CRYBG1: variants seen among roughly 807,000 people sequenced by gnomAD.
CRYBG1 encodes crystallin beta-gamma domain containing 1, also known as beta/gamma crystallin domain-containing protein 1.
CRYBG1 carries 139 observed loss-of-function variants against 189.2 expected under a neutral mutation model. That is an observed-to-expected ratio of 0.73 (90% CI 0.64 to 0.85). The LOEUF is 0.85. CRYBG1 is among the 40% of genes least tolerant of loss of function. The probability of loss-of-function intolerance (pLI) is 0.00; values close to 1 mark genes in which losing one functional copy is unlikely to be tolerated. For synonymous variants in CRYBG1, 1,023 were observed against 1,017.1 expected, an observed-to-expected ratio of 1.01 and a Z score of -0.11; for missense variants, 2,611 against 2,675.8, an observed-to-expected ratio of 0.98 and a Z score of 0.53.
chr6:106,431,836 A>T (rs530728550), intron 1 of CRYBG1, among the ~76,000 whole-genome samples: 24 of 152,030 alleles, frequency 1.6e-4, no homozygotes, highest in African/African-American at 5.1e-4. Context: ...TGGGAATTCT[A>T]TCAAGGCTAA....
intron 7 of CRYBG1, among the ~76,000 whole-genome samples, chr6:106,527,875 G>T (rs34590393): frequency 0.23 from 34,920 of 152,036 alleles, 4,198 homozygotes; most frequent in South Asian, 0.35. Flanking sequence ...AAAATAATTT[G>T]GTTGATTAAC....
At chr6:106,479,418 A>G (rs76861481) in intron 2 of CRYBG1, among the ~76,000 whole-genome samples, 26,278 of 152,238 alleles carry the variant, frequency 0.17, 2,938 homozygotes, top group East Asian at 0.39. Flanking sequence ...TAAGCCTTCA[A>G]TATAAGAATT....
At chr6:106,549,270 C>T (rs924471863) in intron 13 of CRYBG1, among the ~76,000 whole-genome samples, 3 of 152,130 alleles carry the variant, frequency 2.0e-5, no homozygotes, top group Non-Finnish European at 2.9e-5. Flanking sequence ...TGCGGGTACC[C>T]GTGTGCTGTA....
chr6:106,403,090 TG>T (rs1203687643), intron 1 of CRYBG1, among the ~76,000 whole-genome samples: 1 of 152,122 alleles, frequency 6.6e-6, no homozygotes, highest in Admixed American at 6.5e-5. Context: ...AATCACGCCT[TG>T]GGAGGCTAAG....
At chr6:106,410,672 A>C (rs1770912493) in intron 1 of CRYBG1, among the ~76,000 whole-genome samples, 1 of 152,200 alleles carries the variant, frequency 6.6e-6, no homozygotes, top group South Asian at 2.1e-4. Context: ...CCACATATAC[A>C]CCATGAATAC....
intron 1 of CRYBG1, among the ~76,000 whole-genome samples, chr6:106,415,770 G>T (rs12206207): frequency 0.085 from 12,952 of 152,104 alleles, 667 homozygotes; most frequent in East Asian, 0.15. Context: ...ACTTTGACTG[G>T]CTTCTCTTGA....
At chr6:106,530,352 T>G in intron 8 of CRYBG1, 37 bp downstream of exon 8, 2 of 1,588,422 alleles carry the variant, frequency 1.3e-6, no homozygotes, top group Non-Finnish European at 1.7e-6. Flanking sequence ...TTAATGAAGT[T>G]TTTTTGTGAG....
intron 2 of CRYBG1, among the ~76,000 whole-genome samples, chr6:106,475,230 T>C (rs1313356748): frequency 6.6e-6 from 1 of 152,142 alleles, no homozygotes; most frequent in African/African-American, 2.4e-5. Context: ...TAACTGAAAC[T>C]TACTTACTTA....
At chr6:106,537,661 A>T (rs1774036704) in intron 8 of CRYBG1, among the ~76,000 whole-genome samples, 1 of 152,246 alleles carries the variant, frequency 6.6e-6, no homozygotes, top group African/African-American at 2.4e-5. Context: ...TCACAAAGTG[A>T]ATACACAAGC....
chr6:106,446,207 A>G (rs1027957761), intron 1 of CRYBG1, among the ~76,000 whole-genome samples: 2 of 152,236 alleles, frequency 1.3e-5, no homozygotes, highest in African/African-American at 2.4e-5. Context: ...GCTCTCTACC[A>G]TTTAGCAGTT....
In CRYBG1 at chr6:106,560,834, G is replaced by C. The variant is rs760177590; in HGVS notation, c.5887G>C (p.Gly1963Arg). The stretch of plus-strand genomic sequence containing the variant: ...TACTTATGAATATGGCAGTTACAGA[G>C]GGCGACAGTTCCTATTGTCACCTGC... ...WVTYEYGSYR[G>R]RQFLLSPAEV... The change falls in exon 19 of 22, where the codon GGG (glycine) becomes CGG (arginine). Residue 1963 changes from glycine to arginine, a missense_variant. Transcript: ENST00000633556. The C allele has an allele frequency of 1.1e-5, 17 of 1,612,848 alleles. No homozygotes were observed. The highest frequency in any genetic ancestry group is 2.5e-6 in the Non-Finnish European group (3 of 1,179,598).
chr6:106,517,337 T>TAC (rs1159244195), intron 3 of CRYBG1, among the ~76,000 whole-genome samples: 3 of 118,078 alleles, frequency 2.5e-5, no homozygotes, highest in African/African-American at 1.1e-4. Flanking sequence ...TACACATATA[T>TAC]ATATACACAC....
At position 106,520,239 on chromosome 6, in the gene CRYBG1, G is replaced by A. The variant is rs1163477884; in HGVS notation, c.3031G>A (p.Gly1011Ser). 4.3e-6 allele frequency: 7 copies of A among 1,614,068 alleles called. No individual in the cohort carries two copies. Among genetic ancestry groups the A allele is most frequent in the Non-Finnish European group, 5.1e-6 (6 of 1,180,018 alleles). ...SCAPPQEEVL[G>S]NEHSHCTAEL... ...TGCTCCCCCACAAGAGGAAGTACTGGGCAATGAACACTCTCATTGCACAGC... is the reference window on the plus strand; with the variant it reads ...TGCTCCCCCACAAGAGGAAGTACTGAGCAATGAACACTCTCATTGCACAGC... Residue 1011 changes from glycine (G) to serine (S), a missense_variant, in exon 4 of 22, where the codon GGC (glycine) becomes AGC (serine). Gly to Ser is a moderately conservative substitution (Grantham distance 56). Around this residue, in one of 3 missense-constraint regions of CRYBG1, gnomAD observed 1,622 missense variants for 1,735.0 expected, o/e 0.93. Transcript: ENST00000633556.
At chr6:106,505,061 G>T (rs1408467623) in intron 2 of CRYBG1, among the ~76,000 whole-genome samples, 1 of 150,640 alleles carries the variant, frequency 6.6e-6, no homozygotes, top group African/African-American at 2.4e-5. Context: ...GTGATCCTCC[G>T]GCACAGGACA....
At chr6:106,460,945 C>T (rs1297132431) in intron 2 of CRYBG1, among the ~76,000 whole-genome samples, 10 of 152,136 alleles carry the variant, frequency 6.6e-5, no homozygotes, top group Non-Finnish European at 1.5e-5. Context: ...TGCCACCATG[C>T]CCAGCTAATT....
chr6:106,513,029 A>G lies in CRYBG1; in HGVS notation c.1912A>G (p.Lys638Glu). The change falls in exon 3 of 22, where the codon AAA becomes GAA. Residue 638 changes from lysine (K) to glutamate (E), a missense_variant. Coordinates refer to ENST00000633556, the MANE Select transcript of CRYBG1 (RefSeq NM_001371242.2). ...FGVGRSTVTT[K>E]VTLPAKPKHV... ...CGTGGGCAGGTCGACAGTGACCACT[A>G]AAGTGACCCTGTAAGTAGCCGCGCA... 6.2e-7 allele frequency: 1 copy of G among 1,602,704 alleles called. No individual in the cohort carries two copies. The highest frequency in any genetic ancestry group is 1.1e-5 in the South Asian group (1 of 90,770).
Position 106,563,903 on chromosome 6 carries a change from C to T in CRYBG1, c.6278C>T (p.Pro2093Leu), listed in dbSNP as rs1212862582. Reference protein sequence around the residue: ...SDGRIYSKLKPNLVLDIKGGT... With the variant: ...SDGRIYSKLKLNLVLDIKGGT... ...GGCAGGATTTACAGCAAGTTGAAGCCAAATTTAGTTTTAGACATTAAAGGT... is the reference window on the plus strand; with the variant it reads ...GGCAGGATTTACAGCAAGTTGAAGCTAAATTTAGTTTTAGACATTAAAGGT... The change falls in exon 21 of 22, where the codon CCA becomes CTA. Residue 2093 changes from proline to leucine, a missense_variant. Physicochemically the swap from Pro to Leu is moderately conservative, Grantham distance 98. Around this residue, in one of 3 missense-constraint regions of CRYBG1, gnomAD observed 1,622 missense variants for 1,735.0 expected, o/e 0.93. Coordinates refer to ENST00000633556, the MANE Select transcript of CRYBG1 (RefSeq NM_001371242.2). 6.2e-7 allele frequency: 1 copy of T among 1,612,422 alleles called. No homozygotes were observed. The highest frequency in any genetic ancestry group is 1.1e-5 in the South Asian group (1 of 91,032).
At chr6:106,373,372 T>C (rs1770081380) in intron 1 of CRYBG1, among the ~76,000 whole-genome samples, 1 of 152,112 alleles carries the variant, frequency 6.6e-6, no homozygotes, top group African/African-American at 2.4e-5. Context: ...TAAAGGAATC[T>C]AAGGTGACAA....
chr6:106,553,352 TA>T, intron 15 of CRYBG1, 102 bp from the exon 16 acceptor site: 1 of 711,618 alleles, frequency 1.4e-6, no homozygotes, highest in Non-Finnish European at 2.4e-6. Context: ...CAGTTTACTG[TA>T]ACAAAAGTCA....
Sources: allele counts gnomAD v4.1 joint callset (sites outside exome capture counted in the v4.1 genomes callset), GRCh38; gene constraint gnomAD v4.1.1; regional missense constraint gnomAD v4.1.1; transcripts MANE v1.5; gene names NCBI Gene and HGNC (gene_info 2026-07-23, HGNC 2026-07-21).